Variants in SLC30A6 observed in about 807,000 individuals in gnomAD.
SLC30A6 encodes the protein solute carrier family 30 member 6.
In SLC30A6, 55 loss-of-function variants were observed where a neutral mutation model predicts 63.0. The ratio of observed to expected loss-of-function variants is 0.87; its 90% confidence interval spans 0.70 to 1.09. The LOEUF is 1.09. Among genes scored for constraint, SLC30A6 ranks in the 50% least tolerant of loss-of-function variants. The pLI is 0.00. For synonymous variants in SLC30A6, 224 were observed against 186.1 expected (o/e 1.20, Z -1.66); for missense variants, 587 against 549.2 (o/e 1.07, Z -0.69).
chr2:32,203,707 C>A (rs746084826), intron 10 of SLC30A6: 1 of 1,533,778 alleles, frequency 6.5e-7, no homozygotes, highest in South Asian at 1.1e-5. Context: ...CTTTGATGTT[C>A]CTACAACTAA....
At chr2:32,189,331 G>A (rs183576380) in intron 5 of SLC30A6, among the ~76,000 whole-genome samples, 9 of 139,172 alleles carry the variant, frequency 6.5e-5, no homozygotes, top group South Asian at 2.4e-4. Flanking sequence ...TCGCTTGGTC[G>A]CCCAGGCTGG....
chr2:32,184,176 A>G, intron 4 of SLC30A6, 97 bp from the exon 5 acceptor site: 1 of 478,170 alleles, frequency 2.1e-6, no homozygotes, highest in Non-Finnish European at 3.7e-6. Flanking sequence ...GTGCAAACAC[A>G]GATAACTTTC....
At chr2:32,180,580 C>T (rs984788920) in intron 4 of SLC30A6, among the ~76,000 whole-genome samples, 1 of 151,946 alleles carries the variant, frequency 6.6e-6, no homozygotes, top group East Asian at 1.9e-4. Context: ...TTACAGGCAC[C>T]CACCACCATG....
At chr2:32,173,701 A>T (rs1357702898) in intron 2 of SLC30A6, among the ~76,000 whole-genome samples, 1 of 152,128 alleles carries the variant, frequency 6.6e-6, no homozygotes, top group African/African-American at 2.4e-5. Flanking sequence ...CATGCCCTTT[A>T]TTCAGATTCA....
intron 1 of SLC30A6, among the ~76,000 whole-genome samples, chr2:32,168,776 G>A (rs1227270866): frequency 6.6e-6 from 1 of 152,144 alleles, no homozygotes; most frequent in East Asian, 1.9e-4. Context: ...GAAGTTGAGG[G>A]TTTCTATCTG....
intron 8 of SLC30A6, among the ~76,000 whole-genome samples, chr2:32,195,099 CTTTTT>C (rs11453810): frequency 8.0e-6 from 1 of 125,740 alleles, no homozygotes. Context: ...TTATGCCTGG[CTTTTT>C]TTTTTTTTTT....
intron 5 of SLC30A6, chr2:32,187,125 G>A (rs1318726855): frequency 2.1e-6 from 1 of 469,594 alleles, no homozygotes; most frequent in Admixed American, 2.4e-5. Flanking sequence ...AGACCACTGA[G>A]GACATTGTCA....
chr2:32,171,477 A>G, intron 2 of SLC30A6, 104 bp downstream of exon 2: 2 of 784,932 alleles, frequency 2.5e-6, no homozygotes, highest in Non-Finnish European at 4.1e-6. Context: ...TGATCCTGCC[A>G]CACTGTTTTC....
At chr2:32,181,571 A>G (rs1573280048) in intron 4 of SLC30A6, among the ~76,000 whole-genome samples, 2 of 152,220 alleles carry the variant, frequency 1.3e-5, no homozygotes, top group East Asian at 1.9e-4. Flanking sequence ...TTTACAATTA[A>G]TAATTGAAGC....
chr2:32,215,824 C>T (rs1685657601), intron 13 of SLC30A6, among the ~76,000 whole-genome samples: 1 of 151,838 alleles, frequency 6.6e-6, no homozygotes, highest in South Asian at 2.1e-4. Context: ...CCTGCCTCAG[C>T]CTTCCTCGTA....
At chr2:32,215,084 T>C (rs1406038935) in intron 13 of SLC30A6, among the ~76,000 whole-genome samples, 1 of 152,240 alleles carries the variant, frequency 6.6e-6, no homozygotes, top group Non-Finnish European at 1.5e-5. Context: ...TACTAAACAA[T>C]TTGGCTAATT....
rs1019229060 is a variant in SLC30A6 at position 32,197,738 on chromosome 2, A to G, written c.577A>G (p.Ile193Val). 6.2e-7 allele frequency: 1 copy of G among 1,614,008 alleles called. No individual in the cohort carries two copies. Among genetic ancestry groups the G allele is most frequent in the Non-Finnish European group, 8.5e-7 (1 of 1,180,008 alleles). ...LCGIIPGLSS[I>V]FLPRMNPFVL... ...TGGAATTATTCCGGGACTTAGCAGT[A>G]TCTTCCTTCCCCGAATGAATCCATT... The change falls in exon 10 of 14, where the codon ATC becomes GTC. Residue 193 changes from isoleucine (I) to valine (V), a missense_variant. Physicochemically the swap from Ile to Val is conservative, Grantham distance 29. Coordinates refer to ENST00000282587, the MANE Select transcript of SLC30A6 (RefSeq NM_017964.5).
At chr2:32,207,020 C>G (rs1332650909) in intron 12 of SLC30A6, 87 bp downstream of exon 12, 5 of 1,101,516 alleles carry the variant, frequency 4.5e-6, no homozygotes, top group Non-Finnish European at 5.4e-6. Context: ...TCAACTCTAC[C>G]TAGAATTTTA....
chr2:32,190,458 CAA>C (rs35454386), intron 5 of SLC30A6, among the ~76,000 whole-genome samples: 170 of 128,278 alleles, frequency 1.3e-3, no homozygotes, highest in Middle Eastern at 4.5e-3. Context: ...GACTCCGTCT[CAA>C]AAAAAAAAAA....
chr2:32,205,780 A>C (rs1684717116), intron 11 of SLC30A6, among the ~76,000 whole-genome samples: 1 of 141,992 alleles, frequency 7.0e-6, no homozygotes, highest in Non-Finnish European at 1.5e-5. Context: ...CGATTCTCCT[A>C]CCTCAGCATC....
In SLC30A6 at chr2:32,197,844, T is replaced by C. The variant is rs757223069; in HGVS notation, c.665+18T>C. The C allele has an allele frequency of 1.9e-6, 3 of 1,612,452 alleles. No individual in the cohort carries two copies. Among genetic ancestry groups the C allele is most frequent in the African/African-American group, 2.7e-5 (2 of 75,000 alleles). On this transcript the variant is annotated intron_variant, in intron 10 of 13. Coordinates refer to ENST00000282587, the MANE Select transcript of SLC30A6 (RefSeq NM_017964.5). ...GAAATTAAGTGAGTATTTTTTATTG[T>C]TGTCAAGTATGTTTTGATTTCTGGG...
intron 2 of SLC30A6, 114 bp downstream of exon 2, chr2:32,171,487 C>A: frequency 1.4e-6 from 1 of 722,228 alleles, no homozygotes; most frequent in Non-Finnish European, 2.3e-6. Flanking sequence ...ACACTGTTTT[C>A]ATTTTTCTAT....
chr2:32,220,065 G>T, intron 13 of SLC30A6, 148 bp from the exon 14 acceptor site: 1 of 798,126 alleles, frequency 1.3e-6, no homozygotes, highest in Non-Finnish European at 1.9e-6. Context: ...TCACCAGCAA[G>T]TAGTCTTTAA....
chr2:32,180,239 A>C (rs553039492), intron 4 of SLC30A6, among the ~76,000 whole-genome samples: 6 of 152,108 alleles, frequency 3.9e-5, no homozygotes, highest in African/African-American at 1.4e-4. Context: ...TCTTCTCTAC[A>C]AAAAATTTTA....
Sources: gnomAD v4.1 joint callset for allele counts (sites outside exome capture counted in the v4.1 genomes callset) on GRCh38, gnomAD v4.1.1 for gene constraint, MANE v1.5 for transcripts, NCBI Gene and HGNC (gene_info 2026-07-23, HGNC 2026-07-21) for gene names.